PARD3B: variants seen among roughly 807,000 people sequenced by gnomAD.
PARD3B encodes partitioning defective 3 homolog B.
Under a neutral mutation model 130.2 loss-of-function variants are expected in PARD3B, and 103 were observed. The observed-to-expected ratio is 0.79, with a 90% CI of 0.67 to 0.93. The LOEUF is 0.93. Among genes scored for constraint, PARD3B ranks in the 40% least tolerant of loss-of-function variants. PARD3B has a pLI of 0.00. For missense variants in PARD3B, 1,609 were observed against 1,499.2 expected, an observed-to-expected ratio of 1.07 and a Z score of -1.21; for synonymous variants, 583 against 553.2, an observed-to-expected ratio of 1.05 and a Z score of -0.76.
intron 22 of PARD3B, among the ~76,000 whole-genome samples, chr2:205,593,962 A>G (rs2054481947): frequency 6.6e-6 from 1 of 152,202 alleles, no homozygotes; most frequent in Non-Finnish European, 1.5e-5. Context: ...TCTTATGAGA[A>G]GAAAAGCACA....
intron 15 of PARD3B, among the ~76,000 whole-genome samples, chr2:205,240,527 G>C (rs1574480608): frequency 6.6e-6 from 1 of 152,224 alleles, no homozygotes; most frequent in South Asian, 2.1e-4. Flanking sequence ...ATCTCAATAT[G>C]AATAGTGAGA....
intron 18 of PARD3B, among the ~76,000 whole-genome samples, chr2:205,328,941 C>A (rs1341507475): frequency 3.3e-5 from 5 of 152,118 alleles, no homozygotes; most frequent in Non-Finnish European, 7.4e-5. Context: ...TATCTTTTCT[C>A]AAACTTTTTC....
At chr2:205,297,696 C>T (rs1199996431) in intron 16 of PARD3B, among the ~76,000 whole-genome samples, 2 of 152,168 alleles carry the variant, frequency 1.3e-5, no homozygotes, top group African/African-American at 4.8e-5. Flanking sequence ...CCCTACTCTA[C>T]AGCTACATTC....
intron 16 of PARD3B, among the ~76,000 whole-genome samples, chr2:205,255,302 G>A (rs1177064646): frequency 6.6e-6 from 1 of 152,078 alleles, no homozygotes; most frequent in Non-Finnish European, 1.5e-5. Flanking sequence ...GTTCCTGTAA[G>A]AGATAGGGAG....
rs564664952 is a variant in PARD3B, at chr2:204,710,706, A to G, written c.222+24424A>G. Among the ~76,000 whole-genome samples, 3 of 152,314 alleles carry G rather than the reference A, an allele frequency of 2.0e-5. No individual in the cohort carries two copies. In the East Asian group the frequency reaches 5.8e-4, roughly 29 times the overall value. On this transcript the variant is annotated intron_variant, in intron 2 of 22. Transcript: ENST00000406610. ...TGATTTGAAGAGTGATTCCATTAGA[A>G]GAGTCTAGGAAACTTACATAGATTC...
chr2:205,336,508 T>A (rs2043319306), intron 18 of PARD3B, among the ~76,000 whole-genome samples: 1 of 152,230 alleles, frequency 6.6e-6, no homozygotes, highest in South Asian at 2.1e-4. Context: ...CTTAAGGTAA[T>A]AACTTGTTGC....
chr2:205,559,301 T>C (rs1422502250), intron 22 of PARD3B, among the ~76,000 whole-genome samples: 1 of 152,118 alleles, frequency 6.6e-6, no homozygotes, highest in Non-Finnish European at 1.5e-5. Context: ...CGCACCACGA[T>C]GCCCAGCTAA....
At chr2:204,837,304 A>G (rs1290741437) in intron 2 of PARD3B, among the ~76,000 whole-genome samples, 2 of 152,150 alleles carry the variant, frequency 1.3e-5, no homozygotes, top group African/African-American at 4.8e-5. Flanking sequence ...ATCTAGGGAC[A>G]TGTTAGAAAT....
chr2:204,663,538 G>C (rs948529645), intron 1 of PARD3B, among the ~76,000 whole-genome samples: 1 of 152,198 alleles, frequency 6.6e-6, no homozygotes, highest in Non-Finnish European at 1.5e-5. Flanking sequence ...TATAAAGATC[G>C]TATTGAAGGT....
chr2:204,748,109 C>T (rs1370539495), intron 2 of PARD3B, among the ~76,000 whole-genome samples: 1 of 151,896 alleles, frequency 6.6e-6, no homozygotes, highest in Non-Finnish European at 1.5e-5. Context: ...ATCATGTAGG[C>T]AAATAAAATT....
intron 4 of PARD3B, among the ~76,000 whole-genome samples, chr2:205,089,807 G>T (rs551061711): frequency 3.6e-4 from 55 of 152,182 alleles, no homozygotes; most frequent in Non-Finnish European, 6.8e-4. Context: ...AAGAAAGAAT[G>T]AAAACCAGGT....
intron 2 of PARD3B, among the ~76,000 whole-genome samples, chr2:204,706,345 C>G (rs548187107): frequency 6.9e-6 from 1 of 144,242 alleles, no homozygotes; most frequent in East Asian, 2.0e-4. Context: ...CCAGCCTGGG[C>G]GACAGAGTGA....
intron 2 of PARD3B, among the ~76,000 whole-genome samples, chr2:204,899,252 CCCTCCCTTCCTTCCTT>C (rs2046766231): frequency 7.8e-6 from 1 of 128,118 alleles, no homozygotes; most frequent in African/African-American, 3.4e-5. Flanking sequence ...CTCCCTCCCT[CCCTCCCTTCCTTCCTT>C]CCTTCCTTCC....
intron 1 of PARD3B, among the ~76,000 whole-genome samples, chr2:204,638,738 A>G (rs1559199770): frequency 6.6e-6 from 1 of 152,178 alleles, no homozygotes; most frequent in East Asian, 1.9e-4. Context: ...CATGTTTAGC[A>G]TGTATTGTTT....
In PARD3B at chr2:205,172,326, A is replaced by G. The variant is rs776663574; in HGVS notation, c.1736A>G (p.Asn579Ser). ...TLRRSMSMEG[N>S]IRGMIQLVIL... Reference sequence around the variant, plus strand: ...AGGCGGTCAATGTCCATGGAGGGAAACATCCGAGGGATGATCCAGTTGGTG... The same window carrying G: ...AGGCGGTCAATGTCCATGGAGGGAAGCATCCGAGGGATGATCCAGTTGGTG... Residue 579 changes from asparagine to serine, a missense_variant, in exon 12 of 23, where the codon AAC becomes AGC. Asn to Ser is a conservative substitution (Grantham distance 46). Transcript: ENST00000406610. The G allele has an allele frequency of 6.2e-7, 1 of 1,614,126 alleles. No individual in the cohort carries two copies. The highest frequency in any genetic ancestry group is 2.2e-5 in the East Asian group (1 of 44,866).
chr2:205,417,716 C>A (rs1640677409), intron 19 of PARD3B, among the ~76,000 whole-genome samples: 1 of 152,230 alleles, frequency 6.6e-6, no homozygotes, highest in Admixed American at 6.5e-5. Context: ...TCTCCACAGG[C>A]TAGAGCCTTC....
At chr2:205,177,205 C>T (rs1419231369) in intron 13 of PARD3B, among the ~76,000 whole-genome samples, 1 of 151,972 alleles carries the variant, frequency 6.6e-6, no homozygotes, top group African/African-American at 2.4e-5. Context: ...TTTTATCTCC[C>T]TGTATCTCTT....
intron 3 of PARD3B, among the ~76,000 whole-genome samples, chr2:205,022,799 TC>T (rs1253438199): frequency 4.4e-4 from 67 of 152,146 alleles, no homozygotes; most frequent in Admixed American, 3.4e-3. Context: ...CACTGGGTTT[TC>T]CCCCCTTACT....
chr2:205,009,971 C>T (rs538454647), intron 3 of PARD3B, among the ~76,000 whole-genome samples: 1 of 152,192 alleles, frequency 6.6e-6, no homozygotes, highest in African/African-American at 2.4e-5. Flanking sequence ...CACTTCAACC[C>T]ATGAGGTAGA....
Sources: allele counts gnomAD v4.1 joint callset (sites outside exome capture counted in the v4.1 genomes callset), GRCh38; gene constraint gnomAD v4.1.1; transcripts MANE v1.5; gene names NCBI Gene and HGNC (gene_info 2026-07-23, HGNC 2026-07-21).